Variants in DPYD observed in about 807,000 individuals in gnomAD.
DPYD encodes the protein dihydropyrimidine dehydrogenase [NADP(+)].
A neutral mutation model predicts 116.2 loss-of-function variants in DPYD; 109 were observed. The observed-to-expected ratio is 0.94, with a 90% CI of 0.80 to 1.10. DPYD has a LOEUF of 1.10. Ranked by LOEUF, DPYD falls within the 50% of genes least tolerant of loss-of-function variation. The pLI is 0.00. For synonymous variants in DPYD, 440 were observed against 432.0 expected, an observed-to-expected ratio of 1.02 and a Z score of -0.23; for missense variants, 1,302 against 1,254.5, an observed-to-expected ratio of 1.04 and a Z score of -0.57.
intron 16 of DPYD, among the ~76,000 whole-genome samples, chr1:97,327,728 T>C (rs1470952344): frequency 6.6e-6 from 1 of 152,024 alleles, no homozygotes; most frequent in African/African-American, 2.4e-5. Flanking sequence ...TAATAATTTA[T>C]AAATCATATA....
chr1:97,528,639 C>A (rs889038621), intron 12 of DPYD, among the ~76,000 whole-genome samples: 1 of 152,108 alleles, frequency 6.6e-6, no homozygotes, highest in African/African-American at 2.4e-5. Flanking sequence ...CCCCCATTTA[C>A]TTTATGACAC....
At chr1:97,486,423 C>G (rs768989821) in intron 13 of DPYD, among the ~76,000 whole-genome samples, 5 of 152,018 alleles carry the variant, frequency 3.3e-5, no homozygotes, top group Admixed American at 6.6e-5. Flanking sequence ...TATGACAGAT[C>G]GTTCATAAGT....
chr1:97,855,335 G>C (rs1033075561), intron 2 of DPYD: 3 of 152,156 alleles, frequency 2.0e-5, no homozygotes, highest in Admixed American at 6.6e-5. Flanking sequence ...CCTAAGCCCA[G>C]GCACAGGTCC....
chr1:97,751,460 GTATATATATATATATATATA>G lies in DPYD; in HGVS notation c.234-11001_234-10982del, dbSNP rs1553233231. 2.8e-4 allele frequency among the ~76,000 whole-genome samples: 6 copies of G among 21,290 alleles called. 1 individual carries two copies. Among genetic ancestry groups the G allele is most frequent in the East Asian group, 3.5e-3 (1 of 282 alleles). 14.0% of individuals were successfully genotyped at this position (21,290 alleles called of 152,430 possible). On this transcript the variant is annotated intron_variant, in intron 3 of 22. Transcript: ENST00000370192. ...TGTGTGTGTGTGTGTGTGTGTGTGT[GTATATATATATATATATATA>G]TATATATATATATATGGCAGGGGAC...
chr1:97,656,712 T>C (rs1419683060), intron 8 of DPYD, among the ~76,000 whole-genome samples: 1 of 152,212 alleles, frequency 6.6e-6, no homozygotes, highest in Non-Finnish European at 1.5e-5. Context: ...TACACTTGCA[T>C]TTGGTCTGCC....
intron 2 of DPYD, among the ~76,000 whole-genome samples, chr1:97,834,391 C>T (rs1337043774): frequency 1.3e-5 from 2 of 150,982 alleles, no homozygotes; most frequent in South Asian, 2.1e-4. Context: ...AAAAAAAAGC[C>T]AATTCAATAG....
Position 97,567,400 on chromosome 1 carries a change from T to A in DPYD, c.1339+6360A>T, listed in dbSNP as rs186043403. ...ATCAAGGGAGCTGATTTCTGAGAGT[T>A]GCATTTAAGATTCAGAACTATCTAG... is the stretch of plus-strand genomic sequence containing the variant. On this transcript the variant is annotated intron_variant, in intron 11 of 22. Transcript: ENST00000370192. 3.3e-5 allele frequency among the ~76,000 whole-genome samples: 5 copies of A among 152,272 alleles called. No homozygotes were observed. In the East Asian group the frequency reaches 9.7e-4, roughly 29 times the overall value.
intron 21 of DPYD, among the ~76,000 whole-genome samples, chr1:97,094,520 T>C (rs1570443253): frequency 6.6e-6 from 1 of 152,220 alleles, no homozygotes; most frequent in African/African-American, 2.4e-5. Flanking sequence ...AGTAATAAGA[T>C]GACATCCAGG....
chr1:97,683,501 A>G (rs1018638510), intron 7 of DPYD, among the ~76,000 whole-genome samples: 4 of 151,902 alleles, frequency 2.6e-5, no homozygotes, highest in Admixed American at 1.3e-4. Context: ...ATACTTTGGG[A>G]AATGACAAAT....
chr1:97,608,259 T>C (rs1655725357), intron 8 of DPYD, among the ~76,000 whole-genome samples: 1 of 152,020 alleles, frequency 6.6e-6, no homozygotes, highest in Non-Finnish European at 1.5e-5. Context: ...GTAAATAATA[T>C]AAAAGGGACA....
chr1:97,408,524 TTA>T (rs1673800590), intron 14 of DPYD, among the ~76,000 whole-genome samples: 1 of 152,176 alleles, frequency 6.6e-6, no homozygotes, highest in South Asian at 2.1e-4. Flanking sequence ...AGCTGTGTAA[TTA>T]TGACCTTATT....
intron 20 of DPYD, among the ~76,000 whole-genome samples, chr1:97,110,980 C>A (rs1425974801): frequency 6.6e-6 from 1 of 151,214 alleles, no homozygotes; most frequent in African/African-American, 2.4e-5. Flanking sequence ...CCAGCCTGGG[C>A]AACATAGAGA....
intron 12 of DPYD, among the ~76,000 whole-genome samples, chr1:97,544,611 CT>C (rs1055559094): frequency 2.0e-5 from 3 of 148,926 alleles, no homozygotes; most frequent in Admixed American, 1.3e-4. Flanking sequence ...AAAATAATTT[CT>C]TTTTTTTTCC....
chr1:97,195,666 A>ATG (rs1658747569), intron 19 of DPYD, among the ~76,000 whole-genome samples: 1 of 53,556 alleles, frequency 1.9e-5, no homozygotes, highest in African/African-American at 7.9e-5. Context: ...ATATATATAT[A>ATG]TATATATATA....
intron 15 of DPYD, among the ~76,000 whole-genome samples, chr1:97,381,454 GA>G (rs1305709869): frequency 5.3e-5 from 8 of 152,198 alleles, no homozygotes; most frequent in African/African-American, 1.7e-4. Flanking sequence ...GGGCTCTGTG[GA>G]AGATTTCATG....
chr1:97,730,754 G>T (rs1268012823), intron 4 of DPYD, among the ~76,000 whole-genome samples: 2 of 151,878 alleles, frequency 1.3e-5, no homozygotes, highest in African/African-American at 4.8e-5. Flanking sequence ...GAAAGAAAAA[G>T]ATGAAATACT....
chr1:97,252,415 T>C (rs1663158644), intron 18 of DPYD, among the ~76,000 whole-genome samples: 1 of 152,220 alleles, frequency 6.6e-6, no homozygotes, highest in African/African-American at 2.4e-5. Flanking sequence ...ATGTGATGCA[T>C]ATATTTTTCC....
intron 3 of DPYD, among the ~76,000 whole-genome samples, chr1:97,810,943 T>G (rs904970850): frequency 6.6e-6 from 1 of 152,160 alleles, no homozygotes; most frequent in Non-Finnish European, 1.5e-5. Context: ...TCTCCCACAA[T>G]GTAACTCCGT....
rs1406223934 is a variant in DPYD at position 97,732,319 on chromosome 1, C to CA, written c.321+8072dup. 2.0e-5 allele frequency among the ~76,000 whole-genome samples: 3 copies of CA among 151,696 alleles called. No homozygotes were observed. In the South Asian group the frequency reaches 6.2e-4, roughly 32 times the overall value. ...GTGAAACCTCGTCTTTACTAAAATA[C>CA]AAAAAATTAGCCGGGCATGGTGGCA... On this transcript the variant is annotated intron_variant, in intron 4 of 22. Transcript: ENST00000370192.
Sources: gnomAD v4.1 joint callset for allele counts (sites outside exome capture counted in the v4.1 genomes callset) on GRCh38, gnomAD v4.1.1 for gene constraint, MANE v1.5 for transcripts, NCBI Gene and HGNC (gene_info 2026-07-23, HGNC 2026-07-21) for gene names.